Variants in RAB8B observed in about 807,000 individuals in gnomAD.
The protein encoded by RAB8B is ras-related protein Rab-8B.
A neutral mutation model predicts 32.0 loss-of-function variants in RAB8B; 11 were observed. That is an observed-to-expected ratio of 0.34 (90% CI 0.22 to 0.57). The LOEUF is 0.57. Among genes scored for constraint, RAB8B ranks in the 20% least tolerant of loss-of-function variants. The pLI is 0.86. For synonymous variants in RAB8B, 103 were observed against 89.6 expected (o/e 1.15, Z -0.85); for missense variants, 190 against 258.5 (o/e 0.73, Z 1.82).
intron 1 of RAB8B, among the ~76,000 whole-genome samples, chr15:63,208,548 C>G (rs1595735574): frequency 6.6e-6 from 1 of 152,088 alleles, no homozygotes; most frequent in East Asian, 1.9e-4. Context: ...CTTTTATTCT[C>G]ACTACCACCA....
At chr15:63,256,688 T>G (rs1377097510) in intron 5 of RAB8B, 94 bp downstream of exon 5, 1 of 918,862 alleles carries the variant, frequency 1.1e-6, no homozygotes, top group Non-Finnish European at 1.6e-6. Context: ...TTTTAAAATC[T>G]GTGTTTTAAT....
In RAB8B at chr15:63,214,272, C is replaced by T. The variant is rs552159481; in HGVS notation, c.124+24524C>T. 6.5e-4 allele frequency among the ~76,000 whole-genome samples: 96 copies of T among 148,152 alleles called. 1 individual carries two copies. Among genetic ancestry groups the T allele is most frequent in the Non-Finnish European group, 1.2e-3 (79 of 67,304 alleles). ...GTGTTGAATTCCTTGGAAATGGGTA[C>T]GCTCAGTTTCTTTCTTTTTTTTTTT... is the stretch of plus-strand genomic sequence containing the variant. On this transcript the variant is annotated intron_variant, in intron 1 of 7. Transcript: ENST00000321437.
intron 1 of RAB8B, among the ~76,000 whole-genome samples, chr15:63,219,448 CTTTT>C (rs568968975): frequency 2.1e-5 from 3 of 143,604 alleles, no homozygotes; most frequent in African/African-American, 2.6e-5. Flanking sequence ...TCCAGACCAA[CTTTT>C]TTTTTTTTTT....
At chr15:63,229,597 A>G (rs1351573770) in intron 1 of RAB8B, among the ~76,000 whole-genome samples, 4 of 152,060 alleles carry the variant, frequency 2.6e-5, no homozygotes, top group Admixed American at 2.0e-4. Flanking sequence ...TCTGGCCAAC[A>G]TGGTGAAACC....
At chr15:63,229,780 C>CAAAA (rs56015501) in intron 1 of RAB8B, among the ~76,000 whole-genome samples, 1,344 of 35,872 alleles carry the variant, frequency 0.037, 466 homozygotes, top group Non-Finnish European at 0.043. Context: ...GACGCTGTTT[C>CAAAA]AAAAAAAAAA....
chr15:63,234,766 A>G (rs919286287), intron 1 of RAB8B, among the ~76,000 whole-genome samples: 2 of 152,222 alleles, frequency 1.3e-5, no homozygotes, highest in African/African-American at 4.8e-5. Context: ...GGTGCAGGAA[A>G]GAGCCTCCTG....
At chr15:63,241,163 T>C (rs2038028947) in intron 1 of RAB8B, among the ~76,000 whole-genome samples, 1 of 152,134 alleles carries the variant, frequency 6.6e-6, no homozygotes, top group South Asian at 2.1e-4. Context: ...GTCAACATGG[T>C]GAAACCCCAT....
At chr15:63,255,484 A>G in intron 3 of RAB8B, 23 bp from the exon 4 acceptor site, 1 of 1,493,716 alleles carries the variant, frequency 6.7e-7, no homozygotes, top group Non-Finnish European at 9.3e-7. Flanking sequence ...AGTACTAAAT[A>G]AAGATATTTT....
At chr15:63,215,297 C>T (rs546842065) in intron 1 of RAB8B, among the ~76,000 whole-genome samples, 1 of 152,274 alleles carries the variant, frequency 6.6e-6, no homozygotes, top group South Asian at 2.1e-4. Context: ...CATTTGTATA[C>T]TTCCATACTT....
chr15:63,192,352 T>C (rs2037563071), intron 1 of RAB8B, among the ~76,000 whole-genome samples: 1 of 152,186 alleles, frequency 6.6e-6, no homozygotes, highest in African/African-American at 2.4e-5. Context: ...AGTGTTGACA[T>C]CTCTAGCAGC....
At chr15:63,201,300 C>G (rs1216712074) in intron 1 of RAB8B, among the ~76,000 whole-genome samples, 1 of 152,176 alleles carries the variant, frequency 6.6e-6, no homozygotes, top group Non-Finnish European at 1.5e-5. Flanking sequence ...CGAGGAAGGG[C>G]TCTAGGAGGG....
In RAB8B at chr15:63,214,292, T is replaced by TC. The variant is rs200209407; in HGVS notation, c.124+24544_124+24545insC. Among the ~76,000 whole-genome samples the TC allele has an allele frequency of 1.0e-3, 137 of 136,884 alleles. 3 individuals are homozygous for TC. The highest frequency in any genetic ancestry group is 3.5e-3 in the Middle Eastern group (1 of 284). 89.8% of individuals were successfully genotyped at this position (136,884 alleles called of 152,430 possible). On this transcript the variant is annotated intron_variant, in intron 1 of 7. Transcript: ENST00000321437. The stretch of plus-strand genomic sequence containing the variant: ...GGGTACGCTCAGTTTCTTTCTTTTT[T>TC]TTTTTTTTTTTTTTTTTGAGACGGA...
chr15:63,238,020 C>A (rs2037997430), intron 1 of RAB8B, among the ~76,000 whole-genome samples: 1 of 151,904 alleles, frequency 6.6e-6, no homozygotes, highest in African/African-American at 2.4e-5. Context: ...GTACTTGGCA[C>A]CTTTGTCAAA....
At chr15:63,249,596 G>T in intron 2 of RAB8B, 49 bp from the exon 3 acceptor site, 1 of 1,552,836 alleles carries the variant, frequency 6.4e-7, no homozygotes, top group African/African-American at 1.4e-5. Flanking sequence ...TCTCCTCAGT[G>T]ATGCTGGTGA....
chr15:63,206,894 T>C (rs1450022884), intron 1 of RAB8B, among the ~76,000 whole-genome samples: 6 of 152,172 alleles, frequency 3.9e-5, no homozygotes, highest in Admixed American at 3.9e-4. Context: ...GACCTCCTTG[T>C]TAACAACTGT....
At chr15:63,214,969 T>C (rs1021862559) in intron 1 of RAB8B, among the ~76,000 whole-genome samples, 2 of 152,248 alleles carry the variant, frequency 1.3e-5, no homozygotes, top group Admixed American at 1.3e-4. Flanking sequence ...CACCTCATTC[T>C]TATGGAGTCA....
intron 1 of RAB8B, among the ~76,000 whole-genome samples, chr15:63,226,543 C>G (rs1430736474): frequency 1.3e-5 from 2 of 152,166 alleles, no homozygotes; most frequent in Admixed American, 1.3e-4. Flanking sequence ...TTCTCTCACC[C>G]TCAGAAATTC....
chr15:63,234,271 T>C (rs2037959695), intron 1 of RAB8B, among the ~76,000 whole-genome samples: 1 of 152,194 alleles, frequency 6.6e-6, no homozygotes, highest in South Asian at 2.1e-4. Context: ...AGAAAACTAC[T>C]CTTTCCCACA....
chr15:63,194,743 C>CTA lies in RAB8B; in HGVS notation c.124+4998_124+4999dup, dbSNP rs2037586732. On this transcript the variant is annotated intron_variant, in intron 1 of 7. Coordinates refer to ENST00000321437, the MANE Select transcript of RAB8B (RefSeq NM_016530.3). ...TTCCTTAAAATCAGGGGTTAGCACA[C>CTA]TATAGCCTATGGGCCAAGTGTGACC... Among the ~76,000 whole-genome samples, 5 of 152,326 alleles carry CTA rather than the reference C, an allele frequency of 3.3e-5. No individual in the cohort carries two copies. The South Asian group carries it at 1.0e-3, about 32-fold the overall frequency.
Sources: allele counts gnomAD v4.1 joint callset (sites outside exome capture counted in the v4.1 genomes callset), GRCh38; gene constraint gnomAD v4.1.1; transcripts MANE v1.5; gene names NCBI Gene and HGNC (gene_info 2026-07-23, HGNC 2026-07-21).